Variants in DTNBP1 observed in about 807,000 individuals in gnomAD.
DTNBP1 encodes the protein dysbindin.
DTNBP1 carries 35 observed loss-of-function variants against 42.8 expected under a neutral mutation model. The ratio of observed to expected loss-of-function variants is 0.82; its 90% confidence interval spans 0.63 to 1.09. DTNBP1 has a LOEUF of 1.09. DTNBP1 is among the 50% of genes least tolerant of loss of function. The pLI is 0.00. For synonymous variants in DTNBP1, 171 were observed against 162.2 expected, an observed-to-expected ratio of 1.05 and a Z score of -0.41; for missense variants, 457 against 424.2, an observed-to-expected ratio of 1.08 and a Z score of -0.68.
rs1455308021 is a variant in DTNBP1, at chr6:15,587,920, ACAGTT to A, written c.511+5134_511+5138del. Among the ~76,000 whole-genome samples the A allele has an allele frequency of 6.6e-6, 1 of 152,186 alleles. No homozygotes were observed. Among genetic ancestry groups the A allele is most frequent in the Non-Finnish European group, 1.5e-5 (1 of 68,024 alleles). The stretch of plus-strand genomic sequence containing the variant: ...TAAAATGGTACAGCCATTTTAGAAA[ACAGTT>A]CAGCAGTTTCTCAAAAAGTTAAACA... On this transcript the variant is annotated intron_variant, in intron 7 of 9. Coordinates refer to ENST00000344537, the MANE Select transcript of DTNBP1 (RefSeq NM_032122.5). The surrounding 1 kb of genome is among the most constrained non-coding windows in gnomAD (Gnocchi z 4.1).
At chr6:15,556,348 AT>A (rs1774519949) in intron 7 of DTNBP1, among the ~76,000 whole-genome samples, 1 of 151,946 alleles carries the variant, frequency 6.6e-6, no homozygotes, top group African/African-American at 2.4e-5. Context: ...AGCCCAGCTA[AT>A]TTTTGTATTT....
chr6:15,550,519 C>T (rs1262109510), intron 7 of DTNBP1, among the ~76,000 whole-genome samples: 1 of 152,194 alleles, frequency 6.6e-6, no homozygotes, highest in Admixed American at 6.5e-5. Context: ...ATCCTCATGC[C>T]ACCAGTTGGA....
At chr6:15,585,616 T>C (rs2113598849) in intron 7 of DTNBP1, 1 of 1,292,922 alleles carries the variant, frequency 7.7e-7, no homozygotes, top group African/African-American at 1.5e-5. Context: ...TTTAATAATA[T>C]ATCATCTGCA....
intron 7 of DTNBP1, among the ~76,000 whole-genome samples, chr6:15,559,242 T>C (rs1427266929): frequency 1.3e-5 from 2 of 152,184 alleles, no homozygotes; most frequent in Non-Finnish European, 2.9e-5. Context: ...GCTGATCCTC[T>C]TACAACTACA....
intron 3 of DTNBP1, among the ~76,000 whole-genome samples, chr6:15,639,156 G>A (rs1420134522): frequency 6.6e-6 from 1 of 152,058 alleles, no homozygotes; most frequent in African/African-American, 2.4e-5. Flanking sequence ...AATAATTGAT[G>A]GAATCTGAAT....
chr6:15,539,266 T>C (rs1773420307), intron 7 of DTNBP1, among the ~76,000 whole-genome samples: 1 of 152,276 alleles, frequency 6.6e-6, no homozygotes, highest in African/African-American at 2.4e-5. Context: ...CTGCTCATAC[T>C]GTTGCCAGTA....
chr6:15,661,107 C>A (rs938653100), intron 1 of DTNBP1, among the ~76,000 whole-genome samples: 6 of 152,240 alleles, frequency 3.9e-5, no homozygotes, highest in Non-Finnish European at 8.8e-5. Context: ...AAGCGTTTGA[C>A]AGTTTGTTAT....
At chr6:15,645,284 TAA>T in intron 3 of DTNBP1, among the ~76,000 whole-genome samples, 1 of 151,552 alleles carries the variant, frequency 6.6e-6, no homozygotes, top group East Asian at 1.9e-4. Flanking sequence ...CAATCAGTAA[TAA>T]TAATAATAAA....
chr6:15,555,905 G>A (rs1329088289), intron 7 of DTNBP1, among the ~76,000 whole-genome samples: 2 of 152,100 alleles, frequency 1.3e-5, no homozygotes, highest in Non-Finnish European at 2.9e-5. Context: ...GGTCTGGATT[G>A]GGACCCATTT....
intron 1 of DTNBP1, among the ~76,000 whole-genome samples, chr6:15,662,266 G>A (rs537286617): frequency 1.3e-5 from 2 of 152,382 alleles, no homozygotes; most frequent in African/African-American, 2.4e-5. Flanking sequence ...AACGGGGAGG[G>A]GCGGCCAGCC....
chr6:15,569,778 C>T (rs1775263084), intron 7 of DTNBP1, among the ~76,000 whole-genome samples: 1 of 152,154 alleles, frequency 6.6e-6, no homozygotes, highest in Non-Finnish European at 1.5e-5. Flanking sequence ...AAATTTCGTG[C>T]CCACTCGTTA....
At chr6:15,580,664 C>A (rs141344539) in intron 7 of DTNBP1, among the ~76,000 whole-genome samples, 359 of 152,276 alleles carry the variant, frequency 2.4e-3, no homozygotes, top group Middle Eastern at 0.014. Context: ...ATGTTTGAGG[C>A]TATTGCAGAC....
intron 6 of DTNBP1, among the ~76,000 whole-genome samples, chr6:15,609,964 T>C (rs1758302336): frequency 6.6e-6 from 1 of 152,156 alleles, no homozygotes; most frequent in South Asian, 2.1e-4. Flanking sequence ...GGGATGTGAG[T>C]TTGGCTGCCG....
At chr6:15,553,007 A>C (rs1774299150) in intron 7 of DTNBP1, among the ~76,000 whole-genome samples, 2 of 152,216 alleles carry the variant, frequency 1.3e-5, no homozygotes, top group Non-Finnish European at 2.9e-5. Flanking sequence ...AAGCTCAAAC[A>C]ATCATTTTAT....
intron 5 of DTNBP1, among the ~76,000 whole-genome samples, chr6:15,618,927 A>C (rs184723751): frequency 6.6e-6 from 1 of 152,364 alleles, no homozygotes; most frequent in African/African-American, 2.4e-5. Context: ...CATTCGCAGC[A>C]ACATGGATAA....
At chr6:15,537,241 G>A (rs1238043552) in intron 7 of DTNBP1, among the ~76,000 whole-genome samples, 18,522 of 144,612 alleles carry the variant, frequency 0.13, 1,422 homozygotes, top group African/African-American at 0.25. Context: ...TAACATGGTG[G>A]TCATGTATTT....
At chr6:15,535,606 C>T (rs1481323330) in intron 7 of DTNBP1, among the ~76,000 whole-genome samples, 1 of 152,174 alleles carries the variant, frequency 6.6e-6, no homozygotes, top group Non-Finnish European at 1.5e-5. Flanking sequence ...TGTGAGCAAC[C>T]TCACCCAGCC....
At chr6:15,571,569 C>G (rs1775341374) in intron 7 of DTNBP1, among the ~76,000 whole-genome samples, 1 of 152,188 alleles carries the variant, frequency 6.6e-6, no homozygotes, top group African/African-American at 2.4e-5. Flanking sequence ...AAGACAGATG[C>G]ACAGAATTCC....
intron 7 of DTNBP1, among the ~76,000 whole-genome samples, chr6:15,563,741 C>T (rs1026982528): frequency 1.3e-5 from 2 of 152,132 alleles, no homozygotes; most frequent in African/African-American, 2.4e-5. Flanking sequence ...TCCCTACACT[C>T]GGTCCACTCC....
Sources: gnomAD v4.1 joint callset for allele counts (sites outside exome capture counted in the v4.1 genomes callset) on GRCh38, gnomAD v4.1.1 for gene constraint, Gnocchi (gnomAD v3.1) non-coding constraint, MANE v1.5 for transcripts, NCBI Gene and HGNC (gene_info 2026-07-23, HGNC 2026-07-21) for gene names.